Variants in DACH1 observed in about 807,000 individuals in gnomAD.
The protein encoded by DACH1 is dachshund homolog 1.
Under a neutral mutation model 54.2 loss-of-function variants are expected in DACH1, and 12 were observed. The observed-to-expected ratio is 0.22, with a 90% confidence interval of 0.14 to 0.36. The LOEUF is 0.36. Ranked by LOEUF, DACH1 falls within the 10% of genes least tolerant of loss-of-function variation. The pLI, the probability that DACH1 is intolerant of heterozygous loss-of-function variation, is 1.00. For synonymous variants in DACH1, 386 were observed against 366.2 expected (o/e 1.05, Z -0.62); for missense variants, 805 against 929.8 (o/e 0.87, Z 1.75).
At chr13:71,653,626 T>G (rs1878837833) in intron 2 of DACH1, among the ~76,000 whole-genome samples, 1 of 152,176 alleles carries the variant, frequency 6.6e-6, no homozygotes, top group Non-Finnish European at 1.5e-5. Context: ...CCAAAAATAT[T>G]AGAATATTTT....
At chr13:71,865,836 C>G (rs931271354) in intron 1 of DACH1, 86 bp downstream of exon 1, 1 of 1,346,466 alleles carries the variant, frequency 7.4e-7, no homozygotes, top group Non-Finnish European at 9.5e-7. Flanking sequence ...GCGCGCAGAG[C>G]GAGCGGCGCC....
chr13:71,462,022 T>C (rs1876120163), intron 10 of DACH1, among the ~76,000 whole-genome samples: 1 of 151,654 alleles, frequency 6.6e-6, no homozygotes, highest in African/African-American at 2.4e-5. Context: ...GTCTAAAATC[T>C]CCCCATCCAG....
At chr13:71,802,156 C>G (rs568972478) in intron 1 of DACH1, among the ~76,000 whole-genome samples, 47 of 151,094 alleles carry the variant, frequency 3.1e-4, no homozygotes, top group African/African-American at 1.1e-3. Context: ...TGGCCAGAGC[C>G]TTTTTTTTTC....
At chr13:71,778,330 A>G (rs1886154269) in intron 1 of DACH1, among the ~76,000 whole-genome samples, 2 of 152,032 alleles carry the variant, frequency 1.3e-5, no homozygotes, top group African/African-American at 4.8e-5. Context: ...TACATAAGTC[A>G]AATGTAATTA....
At chr13:71,825,154 A>C (rs1888331317) in intron 1 of DACH1, among the ~76,000 whole-genome samples, 1 of 152,086 alleles carries the variant, frequency 6.6e-6, no homozygotes, top group Admixed American at 6.6e-5. Flanking sequence ...TAAATGTCTT[A>C]TGTGCTTCAT....
chr13:71,634,662 C>T (rs2138580115), intron 2 of DACH1, among the ~76,000 whole-genome samples: 1 of 152,264 alleles, frequency 6.6e-6, no homozygotes, highest in East Asian at 1.9e-4. Flanking sequence ...TAGCTCATGG[C>T]TTACTCTTTT....
At chr13:71,502,956 A>T (rs763566828) in intron 6 of DACH1, among the ~76,000 whole-genome samples, 1 of 152,200 alleles carries the variant, frequency 6.6e-6, no homozygotes, top group Non-Finnish European at 1.5e-5. Context: ...GGTCTAGAAA[A>T]ATTAATTTAT....
chr13:71,781,006 C>T (rs976765468), intron 1 of DACH1, among the ~76,000 whole-genome samples: 18 of 152,080 alleles, frequency 1.2e-4, no homozygotes, highest in African/African-American at 4.3e-4. Flanking sequence ...TGTGGTGGCA[C>T]GTGCCTGTAG....
At chr13:71,774,550 C>A (rs537233184) in intron 1 of DACH1, among the ~76,000 whole-genome samples, 1 of 151,920 alleles carries the variant, frequency 6.6e-6, no homozygotes, top group Admixed American at 6.6e-5. Flanking sequence ...TGGTAGAAAC[C>A]GTATAATTTA....
chr13:71,441,157 C>A (rs79757294), intron 10 of DACH1, among the ~76,000 whole-genome samples: 9 of 152,044 alleles, frequency 5.9e-5, no homozygotes, highest in Non-Finnish European at 8.8e-5. Context: ...TGTGCACATT[C>A]GTTGCTATTT....
At chr13:71,470,887 G>T (rs1877010381) in intron 10 of DACH1, among the ~76,000 whole-genome samples, 1 of 152,154 alleles carries the variant, frequency 6.6e-6, no homozygotes, top group Non-Finnish European at 1.5e-5. Context: ...TAAGAAGAAG[G>T]CATTGAACAA....
intron 6 of DACH1, among the ~76,000 whole-genome samples, chr13:71,502,930 T>C (rs770125413): frequency 1.5e-4 from 23 of 152,228 alleles, no homozygotes; most frequent in Non-Finnish European, 2.6e-4. Context: ...TACCCTAAGC[T>C]AGGCATCAGT....
intron 2 of DACH1, among the ~76,000 whole-genome samples, chr13:71,653,308 G>A (rs1878814054): frequency 6.6e-6 from 1 of 152,118 alleles, no homozygotes; most frequent in Non-Finnish European, 1.5e-5. Context: ...TGGTTCTAAG[G>A]TCAACACATT....
At chr13:71,835,855 C>T (rs1326997111) in intron 1 of DACH1, among the ~76,000 whole-genome samples, 2 of 152,070 alleles carry the variant, frequency 1.3e-5, no homozygotes, top group Non-Finnish European at 2.9e-5. Flanking sequence ...GATTCATTTT[C>T]TAACATTCTC....
chr13:71,509,361 T>C (rs931429927), intron 6 of DACH1, among the ~76,000 whole-genome samples: 4 of 151,888 alleles, frequency 2.6e-5, no homozygotes, highest in Non-Finnish European at 5.9e-5. Flanking sequence ...TAAAACCAAC[T>C]CATAACAATA....
intron 6 of DACH1, among the ~76,000 whole-genome samples, chr13:71,546,716 G>A (rs1472012387): frequency 6.6e-6 from 1 of 151,732 alleles, no homozygotes; most frequent in Non-Finnish European, 1.5e-5. Context: ...CCTCAGCTAT[G>A]GTCTAAAAGT....
intron 2 of DACH1, among the ~76,000 whole-genome samples, chr13:71,654,484 T>TAAA (rs1297116640): frequency 6.4e-5 from 9 of 141,378 alleles, no homozygotes; most frequent in Non-Finnish European, 1.5e-5. Flanking sequence ...TAAAATAAAA[T>TAAA]AAAATAAAAT....
intron 7 of DACH1, among the ~76,000 whole-genome samples, chr13:71,482,157 G>C (rs1878097578): frequency 6.6e-6 from 1 of 151,964 alleles, no homozygotes; most frequent in Non-Finnish European, 1.5e-5. Flanking sequence ...CATAATGGTT[G>C]TTATACTACA....
At chr13:71,803,184 A>C (rs1476626862) in intron 1 of DACH1, among the ~76,000 whole-genome samples, 2 of 152,134 alleles carry the variant, frequency 1.3e-5, no homozygotes, top group Non-Finnish European at 2.9e-5. Flanking sequence ...TTTTGAACAA[A>C]CTAAAACTTT....
Sources: gnomAD v4.1 joint callset for allele counts (sites outside exome capture counted in the v4.1 genomes callset) on GRCh38, gnomAD v4.1.1 for gene constraint, MANE v1.5 for transcripts, NCBI Gene and HGNC (gene_info 2026-07-23, HGNC 2026-07-21) for gene names.